Variants in FCHSD2 observed in about 807,000 individuals in gnomAD.
The protein encoded by FCHSD2 is FCH and double SH3 domains 2.
FCHSD2 carries 38 observed loss-of-function variants against 108.1 expected under a neutral mutation model. The ratio of observed to expected loss-of-function variants is 0.35; its 90% CI spans 0.27 to 0.46. FCHSD2 has a LOEUF of 0.46. Among genes scored for constraint, FCHSD2 ranks in the 20% least tolerant of loss-of-function variants. FCHSD2 has a pLI of 1.00. For missense variants in FCHSD2, 751 were observed against 897.8 expected (o/e 0.84, Z 2.09); for synonymous variants, 279 against 314.7 (o/e 0.89, Z 1.20).
intron 10 of FCHSD2, among the ~76,000 whole-genome samples, chr11:72,898,535 T>G (rs1478418882): frequency 6.6e-6 from 1 of 152,230 alleles, no homozygotes; most frequent in Non-Finnish European, 1.5e-5. Context: ...TCTCATCCTA[T>G]TACTATCTTA....
At chr11:72,919,113 A>G (rs1029958749) in intron 9 of FCHSD2, among the ~76,000 whole-genome samples, 2 of 152,182 alleles carry the variant, frequency 1.3e-5, no homozygotes, top group Admixed American at 1.3e-4. Context: ...CATGGTAATA[A>G]TAATATAAAA....
chr11:72,842,986 T>A, intron 16 of FCHSD2, 145 bp from the exon 17 acceptor site: 1 of 869,646 alleles, frequency 1.1e-6, no homozygotes, highest in Non-Finnish European at 1.8e-6. Context: ...GATGAATGAT[T>A]AACTTTAGGG....
intron 8 of FCHSD2, among the ~76,000 whole-genome samples, chr11:72,952,487 G>C (rs756492102): frequency 6.6e-6 from 1 of 151,982 alleles, no homozygotes; most frequent in Non-Finnish European, 1.5e-5. Context: ...ACCACGCCCA[G>C]CTAATTTTTA....
intron 5 of FCHSD2, among the ~76,000 whole-genome samples, chr11:73,000,322 T>C (rs1465092399): frequency 1.2e-4 from 19 of 152,190 alleles, no homozygotes. Flanking sequence ...TAATTACTTA[T>C]TAGGTATAAT....
At chr11:72,934,549 A>G (rs10736790) in intron 8 of FCHSD2, among the ~76,000 whole-genome samples, 151,774 of 152,240 alleles carry the variant, frequency 1, 75,655 homozygotes, top group Middle Eastern at 1. Flanking sequence ...GGCCAGGCTG[A>G]TCTCAAACTC....
intron 8 of FCHSD2, among the ~76,000 whole-genome samples, chr11:72,964,872 T>C (rs918239323): frequency 1.3e-5 from 2 of 150,430 alleles, no homozygotes; most frequent in Non-Finnish European, 3.0e-5. Context: ...TCACTGCAAG[T>C]TCTGCCTCCC....
In FCHSD2 at chr11:73,142,159, G is replaced by T; in HGVS notation, c.-282C>A. 3 of 260,844 alleles carry T rather than the reference G, an allele frequency of 1.2e-5. No individual in the cohort carries two copies. The highest frequency in any genetic ancestry group is 2.2e-5 in the Non-Finnish European group (3 of 137,570). The allele number at this position is 260,844 out of a possible 1,614,324, so 16.2% of individuals were successfully genotyped here. Reference sequence around the variant, plus strand: ...GAGGAAGGAGGCGGAGACGGCGAGGGGGCGGGGGCCCCAGGAGCAGGGGCG... The same window carrying T: ...GAGGAAGGAGGCGGAGACGGCGAGGTGGCGGGGGCCCCAGGAGCAGGGGCG... On this transcript the variant is annotated 5_prime_UTR_variant, in exon 1 of 20. Transcript: ENST00000409418.
rs1202202442 is a variant in FCHSD2, at chr11:72,889,744, T to C, written c.1041+85A>G. 8 of 761,058 alleles carry C rather than the reference T, an allele frequency of 1.1e-5. No homozygotes were observed. The East Asian group carries it at 1.8e-4, about 18-fold the overall frequency. The allele number at this position is 761,058 out of a possible 1,614,324, so 47.1% of individuals were successfully genotyped here. A position where few individuals can be genotyped will look rare whatever the true frequency, so the allele number is the denominator to read the frequency against. ...AAACAAAACAACACATATAGGATAT[T>C]TTTCACATTAATAAAACTCAGTTCC... On this transcript the variant is annotated intron_variant, in intron 11 of 19. Transcript: ENST00000409418.
chr11:73,107,748 T>C (rs927398537), intron 2 of FCHSD2, among the ~76,000 whole-genome samples: 1 of 152,246 alleles, frequency 6.6e-6, no homozygotes, highest in African/African-American at 2.4e-5. Context: ...GATCTCCAGT[T>C]CCATCCATGT....
intron 8 of FCHSD2, among the ~76,000 whole-genome samples, chr11:72,928,804 G>A (rs901964076): frequency 6.6e-6 from 1 of 152,052 alleles, no homozygotes. Context: ...CATGTGCCAT[G>A]TTGGTGTGCT....
intron 3 of FCHSD2, 24 bp from the exon 4 acceptor site, chr11:73,015,909 C>A: frequency 7.4e-7 from 1 of 1,349,572 alleles, no homozygotes. Context: ...CATATTTTTT[C>A]TAAAATAAAT....
chr11:72,841,882 C>G (rs1228551768), intron 17 of FCHSD2, among the ~76,000 whole-genome samples: 1 of 152,160 alleles, frequency 6.6e-6, no homozygotes, highest in Non-Finnish European at 1.5e-5. Context: ...TTAGTCAATT[C>G]AGTAAACTTA....
intron 12 of FCHSD2, among the ~76,000 whole-genome samples, chr11:72,883,137 A>G (rs1202338975): frequency 6.6e-6 from 1 of 152,188 alleles, no homozygotes; most frequent in Non-Finnish European, 1.5e-5. Context: ...AAAAAAACCA[A>G]ACATGACCCT....
intron 8 of FCHSD2, among the ~76,000 whole-genome samples, chr11:72,959,215 G>A (rs1262724231): frequency 9.0e-6 from 1 of 111,118 alleles, no homozygotes; most frequent in Non-Finnish European, 1.7e-5. Context: ...CATATATCCA[G>A]CAGTCTTTTT....
intron 6 of FCHSD2, among the ~76,000 whole-genome samples, chr11:72,985,835 T>A (rs1486527163): frequency 1.3e-5 from 2 of 152,262 alleles, no homozygotes; most frequent in Non-Finnish European, 2.9e-5. Flanking sequence ...GATAACCATA[T>A]GGAGAAAGTC....
At chr11:72,940,641 G>A (rs748118469) in intron 8 of FCHSD2, 9 of 1,444,398 alleles carry the variant, frequency 6.2e-6, no homozygotes, top group East Asian at 4.5e-5. Flanking sequence ...CTGATAAAGC[G>A]CGCCGACCAG....
intron 12 of FCHSD2, among the ~76,000 whole-genome samples, chr11:72,885,679 G>A (rs773480439): frequency 1.1e-4 from 17 of 152,216 alleles, no homozygotes; most frequent in Non-Finnish European, 2.4e-4. Context: ...GTTCCACCAA[G>A]GCTCTGAAAA....
At chr11:72,928,293 A>G (rs1219182790) in intron 8 of FCHSD2, among the ~76,000 whole-genome samples, 1 of 152,156 alleles carries the variant, frequency 6.6e-6, no homozygotes, top group African/African-American at 2.4e-5. Flanking sequence ...TATTTTGCAA[A>G]GTAGAAATTC....
At chr11:73,045,196 T>C (rs1476915083) in intron 3 of FCHSD2, among the ~76,000 whole-genome samples, 3 of 151,354 alleles carry the variant, frequency 2.0e-5, no homozygotes, top group Non-Finnish European at 2.9e-5. Context: ...ATCAGAGAAA[T>C]GCAAATTAAA....
Sources: allele counts gnomAD v4.1 joint callset (sites outside exome capture counted in the v4.1 genomes callset), GRCh38; gene constraint gnomAD v4.1.1; transcripts MANE v1.5; gene names NCBI Gene and HGNC (gene_info 2026-07-23, HGNC 2026-07-21).